Variants in DCC observed in about 807,000 individuals in gnomAD.
The protein encoded by DCC is DCC netrin 1 receptor, also known as netrin receptor DCC.
DCC carries 58 observed loss-of-function variants against 172.5 expected under a neutral mutation model. The observed-to-expected ratio is 0.34, with a 90% CI of 0.27 to 0.42. The LOEUF (loss-of-function observed/expected upper bound fraction) is 0.42, where lower values mean the gene tolerates loss of function less well. Ranked by LOEUF, DCC falls within the 10% of genes least tolerant of loss-of-function variation. DCC has a pLI of 1.00. For synonymous variants in DCC, 709 were observed against 644.5 expected (o/e 1.10, Z -1.52); for missense variants, 1,740 against 1,791.0 (o/e 0.97, Z 0.51).
chr18:52,877,227 T>C (rs2039417069), intron 2 of DCC, among the ~76,000 whole-genome samples: 2 of 152,164 alleles, frequency 1.3e-5, no homozygotes, highest in Non-Finnish European at 2.9e-5. Context: ...TCTAGCAGCA[T>C]CTATGGCTTC....
intron 3 of DCC, among the ~76,000 whole-genome samples, chr18:52,919,069 G>A (rs938299100): frequency 1.3e-5 from 2 of 152,162 alleles, no homozygotes; most frequent in African/African-American, 4.8e-5. Context: ...TCACATGCCC[G>A]ACAGCTAGTG....
At chr18:52,432,964 T>C (rs571006832) in intron 1 of DCC, among the ~76,000 whole-genome samples, 1 of 152,264 alleles carries the variant, frequency 6.6e-6, no homozygotes, top group Admixed American at 6.6e-5. Context: ...TGGCCTTTCA[T>C]GGGGACATAA....
rs75946017 is a variant in DCC at position 52,850,030 on chromosome 18, T to G, written c.413-56014T>G. On this transcript the variant is annotated intron_variant, in intron 2 of 28. Transcript: ENST00000442544. ...CTAGAGGTTACAGCACCTTGATAGT[T>G]GGTGGGGTTCGTATGATTTTGAGTC... 9.9e-3 allele frequency among the ~76,000 whole-genome samples: 1,502 copies of G among 152,288 alleles called. 13 individuals are homozygous for G. The highest frequency in any genetic ancestry group is 0.024 in the Middle Eastern group (7 of 294).
intron 7 of DCC, among the ~76,000 whole-genome samples, chr18:53,125,449 T>G (rs1465137241): frequency 6.6e-6 from 1 of 152,090 alleles, no homozygotes; most frequent in Non-Finnish European, 1.5e-5. Context: ...TGCATGGTGC[T>G]CTCTCACCAC....
At chr18:52,935,063 TAAA>T (rs2040362012) in intron 5 of DCC, among the ~76,000 whole-genome samples, 1 of 152,162 alleles carries the variant, frequency 6.6e-6, no homozygotes, top group East Asian at 1.9e-4. Flanking sequence ...GAACAACTGC[TAAA>T]AAGATTCTTT....
rs200213348 is a variant in DCC at position 53,099,939 on chromosome 18, C to CTTTTTTTTTTTTTTTTTTTTTTTTTTTTT, written c.1261+33776_1261+33777insTTTTTTTTTTTTTTTTTTTTTTTTTTTTT. Among the ~76,000 whole-genome samples the CTTTTTTTTTTTTTTTTTTTTTTTTTTTTT allele has an allele frequency of 4.6e-5, 4 of 87,186 alleles. 1 individual carries two copies. Among genetic ancestry groups the CTTTTTTTTTTTTTTTTTTTTTTTTTTTTT allele is most frequent in the African/African-American group, 1.1e-4 (2 of 18,846 alleles). 57.2% of individuals were successfully genotyped at this position (87,186 alleles called of 152,430 possible). ...AAGAGACTTTTCTTTTCTTTTCTTT[C>CTTTTTTTTTTTTTTTTTTTTTTTTTTTTT]TTTCTTTTTTTTTTTTTTTTTGTTT... is the stretch of plus-strand genomic sequence containing the variant. On this transcript the variant is annotated intron_variant, in intron 7 of 28. Coordinates refer to ENST00000442544, the MANE Select transcript of DCC (RefSeq NM_005215.4).
chr18:52,833,232 GTTC>G (rs1427533914), intron 2 of DCC, among the ~76,000 whole-genome samples: 5 of 152,092 alleles, frequency 3.3e-5, no homozygotes, highest in Non-Finnish European at 4.4e-5. Context: ...TTCAATACAA[GTTC>G]TTCTAGCTGT....
At chr18:53,350,363 T>C (rs2057776719) in intron 15 of DCC, among the ~76,000 whole-genome samples, 1 of 152,184 alleles carries the variant, frequency 6.6e-6, no homozygotes, top group African/African-American at 2.4e-5. Context: ...CCTGAAATAT[T>C]TTAACCATAG....
At chr18:52,897,712 A>G (rs926563640) in intron 2 of DCC, among the ~76,000 whole-genome samples, 2 of 125,830 alleles carry the variant, frequency 1.6e-5, no homozygotes, top group Non-Finnish European at 3.8e-5. Context: ...TTATAAGATC[A>G]CATAGGGTGA....
intron 7 of DCC, among the ~76,000 whole-genome samples, chr18:53,138,823 T>C (rs962583955): frequency 1.3e-5 from 2 of 152,182 alleles, no homozygotes; most frequent in African/African-American, 2.4e-5. Context: ...CATCAATAAT[T>C]TCAGCCTGAA....
intron 8 of DCC, 135 bp downstream of exon 8, chr18:53,157,647 TC>T: frequency 2.3e-6 from 2 of 858,120 alleles, no homozygotes; most frequent in Non-Finnish European, 3.8e-6. Flanking sequence ...CTTCACTCAT[TC>T]CCCAGTGGAG....
chr18:53,078,216 G>T (rs189567151), intron 7 of DCC, among the ~76,000 whole-genome samples: 3 of 152,044 alleles, frequency 2.0e-5, no homozygotes, highest in Admixed American at 6.6e-5. Context: ...ACTTGATCTC[G>T]GAAGTTTGAG....
chr18:53,160,147 G>C (rs1168585115), intron 8 of DCC, among the ~76,000 whole-genome samples: 2 of 152,012 alleles, frequency 1.3e-5, no homozygotes, highest in Non-Finnish European at 1.5e-5. Flanking sequence ...CTCTTCTCTT[G>C]AGCTTGTTCT....
chr18:52,454,625 G>A lies in DCC; in HGVS notation c.91+113747G>A, dbSNP rs377365707. ...TAGGAAGCTTGACCCTCACCTTGTCGAAAATACTTTTATTTGTAGTGTTTT... is the reference window on the plus strand; with the variant it reads ...TAGGAAGCTTGACCCTCACCTTGTCAAAAATACTTTTATTTGTAGTGTTTT... On this transcript the variant is annotated intron_variant, in intron 1 of 28. Coordinates refer to ENST00000442544, the MANE Select transcript of DCC (RefSeq NM_005215.4). Among the ~76,000 whole-genome samples, 146 of 152,124 alleles carry A rather than the reference G, an allele frequency of 9.6e-4. 3 individuals are homozygous for A. The South Asian group carries it at 0.023, about 24-fold the overall frequency.
chr18:53,219,240 T>G (rs545535351), intron 12 of DCC, among the ~76,000 whole-genome samples: 14 of 152,304 alleles, frequency 9.2e-5, no homozygotes, highest in African/African-American at 3.4e-4. Context: ...TTTCTCATTT[T>G]AAAATGAGAG....
intron 24 of DCC, among the ~76,000 whole-genome samples, chr18:53,464,806 C>T (rs2045599274): frequency 6.6e-6 from 1 of 151,148 alleles, no homozygotes; most frequent in African/African-American, 2.4e-5. Context: ...CATGGAGAAA[C>T]CCCTCTCTAG....
At chr18:53,444,108 G>A (rs890259230) in intron 22 of DCC, among the ~76,000 whole-genome samples, 1 of 152,220 alleles carries the variant, frequency 6.6e-6, no homozygotes, top group Non-Finnish European at 1.5e-5. Context: ...CAGTGGTAGG[G>A]TTTGAGAAAA....
chr18:53,236,277 A>G (rs1286445869), intron 12 of DCC, among the ~76,000 whole-genome samples: 3 of 152,174 alleles, frequency 2.0e-5, no homozygotes, highest in South Asian at 4.1e-4. Flanking sequence ...TCTAATAGGT[A>G]TACAGTTACA....
intron 14 of DCC, among the ~76,000 whole-genome samples, chr18:53,327,219 T>A (rs559005717): frequency 2.6e-5 from 4 of 152,148 alleles, no homozygotes; most frequent in Non-Finnish European, 5.9e-5. Flanking sequence ...AACCACATTG[T>A]TTGTTCAGCG....
Sources: allele counts gnomAD v4.1 joint callset (sites outside exome capture counted in the v4.1 genomes callset), GRCh38; gene constraint gnomAD v4.1.1; transcripts MANE v1.5; gene names NCBI Gene and HGNC (gene_info 2026-07-23, HGNC 2026-07-21).